Variants in DENND1A observed in about 807,000 individuals in gnomAD.
The protein encoded by DENND1A is DENN domain-containing protein 1A.
A neutral mutation model predicts 113.7 loss-of-function variants in DENND1A; 51 were observed. That is an observed-to-expected ratio of 0.45 (90% CI 0.36 to 0.57). The LOEUF is 0.57. DENND1A is among the 20% of genes least tolerant of loss of function. The pLI is 0.00. For missense variants in DENND1A, 1,258 were observed against 1,395.9 expected (o/e 0.90, Z 1.57); for synonymous variants, 565 against 570.8 (o/e 0.99, Z 0.14).
chr9:123,776,516 C>A (rs1564248419), intron 3 of DENND1A, among the ~76,000 whole-genome samples: 1 of 151,822 alleles, frequency 6.6e-6, no homozygotes, highest in Non-Finnish European at 1.5e-5. Context: ...GATATGGTAC[C>A]AAAAAATAGA....
chr9:123,904,786 G>T (rs558427502), intron 1 of DENND1A, among the ~76,000 whole-genome samples: 1 of 152,092 alleles, frequency 6.6e-6, no homozygotes, highest in South Asian at 2.1e-4. Context: ...AAACACTGCA[G>T]GATATGATCC....
At chr9:123,682,131 A>G (rs1430087941) in intron 5 of DENND1A, among the ~76,000 whole-genome samples, 1 of 152,236 alleles carries the variant, frequency 6.6e-6, no homozygotes, top group African/African-American at 2.4e-5. Context: ...CAGAACCAGC[A>G]TCTACTTTGC....
chr9:123,889,195 A>C (rs1477792299), intron 1 of DENND1A, among the ~76,000 whole-genome samples: 1 of 152,148 alleles, frequency 6.6e-6, no homozygotes, highest in East Asian at 1.9e-4. Context: ...CTTGGGTTCA[A>C]ATCCCAGGTA....
At chr9:123,552,663 G>A (rs931775237) in intron 13 of DENND1A, among the ~76,000 whole-genome samples, 1 of 152,220 alleles carries the variant, frequency 6.6e-6, no homozygotes, top group Non-Finnish European at 1.5e-5. Flanking sequence ...GCCCTGCGTG[G>A]CGTTCACATA....
chr9:123,825,830 G>A (rs745888542), intron 2 of DENND1A, among the ~76,000 whole-genome samples: 1 of 152,218 alleles, frequency 6.6e-6, no homozygotes, highest in Non-Finnish European at 1.5e-5. Flanking sequence ...GTTGGCATGT[G>A]ACTTACAGTG....
At chr9:123,813,423 G>A (rs908436501) in intron 2 of DENND1A, among the ~76,000 whole-genome samples, 28 of 150,146 alleles carry the variant, frequency 1.9e-4, no homozygotes, top group Middle Eastern at 3.4e-3. Context: ...TTTTCCAAAG[G>A]ACCAGTAAAT....
chr9:123,769,769 TAATC>T lies in DENND1A; in HGVS notation c.133-210_133-207del, dbSNP rs1228160016. 2.0e-5 allele frequency among the ~76,000 whole-genome samples: 3 copies of T among 152,108 alleles called. No homozygotes were observed. The East Asian group carries it at 5.8e-4, about 29-fold the overall frequency. ...TCAAACTTCATTAAAAATGAAAAAT[TAATC>T]AAGAATCACACATGGGCAAGCAGCA... On this transcript the variant is annotated intron_variant, in intron 3 of 23. Transcript: ENST00000394215.
At chr9:123,886,531 T>C (rs906308636) in intron 1 of DENND1A, among the ~76,000 whole-genome samples, 4 of 152,172 alleles carry the variant, frequency 2.6e-5, no homozygotes, top group African/African-American at 4.8e-5. Flanking sequence ...TTCATACCAA[T>C]TGAACTCTCT....
At chr9:123,589,504 T>C (rs937363824) in intron 11 of DENND1A, among the ~76,000 whole-genome samples, 11 of 148,680 alleles carry the variant, frequency 7.4e-5, no homozygotes, top group East Asian at 6.0e-4. Flanking sequence ...AAACACTTAC[T>C]AGTACTGCGG....
At chr9:123,439,263 T>C (rs1464663900) in intron 19 of DENND1A, among the ~76,000 whole-genome samples, 4 of 152,240 alleles carry the variant, frequency 2.6e-5, no homozygotes, top group African/African-American at 7.2e-5. Context: ...TCCTTTTAAG[T>C]ATAAAATCAG....
At chr9:123,523,262 T>A (rs2808404) in intron 13 of DENND1A, among the ~76,000 whole-genome samples, 1 of 151,962 alleles carries the variant, frequency 6.6e-6, no homozygotes, top group Non-Finnish European at 1.5e-5. Flanking sequence ...GGAGGCCACT[T>A]AGGCTAATCC....
In DENND1A at chr9:123,380,811, A is replaced by C. The variant is rs115438121; in HGVS notation, c.*621T>G. ...CAGCCCAAGACCCCCTGGTCCCCAGATCCTCCCAGGTCAGAATCAACTGAA... is the reference window on the plus strand; with the variant it reads ...CAGCCCAAGACCCCCTGGTCCCCAGCTCCTCCCAGGTCAGAATCAACTGAA... On this transcript the variant is annotated 3_prime_UTR_variant, in exon 24 of 24. Transcript: ENST00000394215. The C allele has an allele frequency of 7.4e-3, 1,125 of 152,982 alleles. 6 individuals are homozygous for C. Among genetic ancestry groups the C allele is most frequent in the African/African-American group, 0.02 (811 of 41,564 alleles). 9.5% of individuals were successfully genotyped at this position (152,982 alleles called of 1,614,324 possible).
At position 123,671,305 on chromosome 9, in the gene DENND1A, C is replaced by G; in HGVS notation, c.439G>C (p.Val147Leu). Reference protein sequence around the residue: ...KLPIPDPGVSVHLSVHSYFTV... With the variant: ...KLPIPDPGVSLHLSVHSYFTV... ...GCCCCACTTACCACGCTGAGATGGA[C>G]AGACACTCCTGGGTCAGGGATGGGA... Residue 147 changes from valine to leucine, a missense_variant, in exon 7 of 24, where the codon GTC becomes CTC. Val to Leu is a conservative substitution (Grantham distance 32). Around this residue, in one of 2 missense-constraint regions of DENND1A, gnomAD observed 1,159 missense variants for 1,231.7 expected, o/e 0.94. Coordinates refer to ENST00000394215, the MANE Select transcript of DENND1A (RefSeq NM_001352964.2). 1 of 1,614,092 alleles carries G rather than the reference C, an allele frequency of 6.2e-7. No individual in the cohort carries two copies. The highest frequency in any genetic ancestry group is 8.5e-7 in the Non-Finnish European group (1 of 1,179,994).
intron 13 of DENND1A, among the ~76,000 whole-genome samples, chr9:123,548,448 TC>T (rs1459387283): frequency 1.3e-5 from 2 of 152,214 alleles, no homozygotes; most frequent in Non-Finnish European, 1.5e-5. Flanking sequence ...TATTCGTGCT[TC>T]CCACAGACAC....
At chr9:123,874,629 C>T (rs558109465) in intron 2 of DENND1A, among the ~76,000 whole-genome samples, 14 of 150,546 alleles carry the variant, frequency 9.3e-5, no homozygotes, top group Admixed American at 7.9e-4. Flanking sequence ...TTGTCTCTAA[C>T]TAATAAACAA....
At position 123,438,540 on chromosome 9, in the gene DENND1A, G is replaced by C. The variant is rs894773507; in HGVS notation, c.1488+1820C>G. Among the ~76,000 whole-genome samples the C allele has an allele frequency of 4.6e-5, 7 of 152,244 alleles. No individual in the cohort carries two copies. In the South Asian group the frequency reaches 1.2e-3, roughly 27 times the overall value. ...TCTGCGGCTGCAGCTGGAAGGGAGA[G>C]CCCGCTGCATGGCTGATACTAGGGG... On this transcript the variant is annotated intron_variant, in intron 19 of 23. Transcript: ENST00000394215.
chr9:123,630,977 C>T (rs147288020), intron 9 of DENND1A, among the ~76,000 whole-genome samples: 34 of 152,178 alleles, frequency 2.2e-4, no homozygotes, highest in African/African-American at 6.3e-4. Context: ...TAATGATACT[C>T]GATGAATTTC....
intron 11 of DENND1A, among the ~76,000 whole-genome samples, chr9:123,601,760 T>C (rs190017545): frequency 6.6e-6 from 1 of 152,336 alleles, no homozygotes; most frequent in East Asian, 1.9e-4. Context: ...TTCTCACAAG[T>C]CTTTTATGTG....
chr9:123,665,074 C>T (rs1401585104), intron 8 of DENND1A, among the ~76,000 whole-genome samples: 1 of 152,116 alleles, frequency 6.6e-6, no homozygotes. Flanking sequence ...ATATTTTTCT[C>T]CTTTCGTTCA....
Sources: gnomAD v4.1 joint callset for allele counts (sites outside exome capture counted in the v4.1 genomes callset) on GRCh38, gnomAD v4.1.1 for gene constraint, gnomAD v4.1.1 regional missense constraint, MANE v1.5 for transcripts, NCBI Gene and HGNC (gene_info 2026-07-23, HGNC 2026-07-21) for gene names.